OR51B4: variants seen among roughly 807,000 people sequenced by gnomAD.
The protein encoded by OR51B4 is olfactory receptor 51B4.
For synonymous variants in OR51B4, 147 were observed against 140.8 expected, an observed-to-expected ratio of 1.04 and a Z score of -0.31; for missense variants, 402 against 379.8, an observed-to-expected ratio of 1.06 and a Z score of -0.49.
chr11:5,301,467 G>A lies in OR51B4; in HGVS notation c.480C>T (p.Leu160=), dbSNP rs759793130. The change falls in exon 1 of 1, where the codon CTC becomes CTT. Residue 160 remains leucine, a synonymous_variant. Transcript: ENST00000380224. The stretch of plus-strand genomic sequence containing the variant: ...GGGAACCACAATATGGGTAGCAGTA[G>A]AGTGAAAGAATTATGGGCAAAATGG... ...FMSILPIILS[L]YCYPYCGSRA... 5.5e-5 allele frequency: 89 copies of A among 1,614,092 alleles called. No homozygotes were observed. Among genetic ancestry groups the A allele is most frequent in the Middle Eastern group, 1.6e-4 (1 of 6,084 alleles).
rs780554669 is a variant in OR51B4 at position 5,301,147 on chromosome 11, T to C, written c.800A>G (p.His267Arg). 6.8e-6 allele frequency: 11 copies of C among 1,613,876 alleles called. No homozygotes were observed. The East Asian group carries it at 2.0e-4, about 29-fold the overall frequency. Reference sequence around the variant, plus strand: ...ATAGCTCATGGTAATGGGGACCACATGAGGTGCATGTTTCCCAAACCTGTG... The same window carrying C: ...ATAGCTCATGGTAATGGGGACCACACGAGGTGCATGTTTCCCAAACCTGTG... ...FIHRFGKHAP[H>R]VVPITMSYVH... Residue 267 changes from histidine (H) to arginine (R), a missense_variant, in exon 1 of 1, where the codon CAT becomes CGT. Coordinates refer to ENST00000380224, the MANE Select transcript of OR51B4 (RefSeq NM_033179.2).
Position 5,301,300 on chromosome 11 carries a change from A to T in OR51B4, c.647T>A (p.Ile216Lys), listed in dbSNP as rs371724531. 9.9e-6 allele frequency: 16 copies of T among 1,613,988 alleles called. No homozygotes were observed. Among genetic ancestry groups the T allele is most frequent in the Non-Finnish European group, 9.3e-6 (11 of 1,180,012 alleles). Reference protein sequence around the residue: ...LDALIIIFSYILILKTVMGIA... With the variant: ...LDALIIIFSYKLILKTVMGIA... ...GCCCATCACTGTCTTGAGGATTAGT[A>T]TATAAGAAAAGATGATGATTAGAGC... is the stretch of plus-strand genomic sequence containing the variant. Residue 216 changes from isoleucine (I) to lysine (K), a missense_variant, in exon 1 of 1, where the codon ATA becomes AAA. Coordinates refer to ENST00000380224, the MANE Select transcript of OR51B4 (RefSeq NM_033179.2).
rs766622557 is a variant in OR51B4 at position 5,301,086 on chromosome 11, G to C, written c.861C>G (p.Ile287Met). ...HFLFPPFVNP[I>M]IYSIKTKQIQ... ...TCTGCTTGGTCTTGATGCTATAAAT[G>C]ATAGGATTCACGAATGGAGGAAAGA... Residue 287 changes from isoleucine (I) to methionine (M), a missense_variant, in exon 1 of 1, where the codon ATC (isoleucine) becomes ATG (methionine). By Grantham distance (10) the Ile-to-Met change is conservative. Coordinates refer to ENST00000380224, the MANE Select transcript of OR51B4 (RefSeq NM_033179.2). 2 of 1,613,898 alleles carry C rather than the reference G, an allele frequency of 1.2e-6. No individual in the cohort carries two copies. Among genetic ancestry groups the C allele is most frequent in the Non-Finnish European group, 1.7e-6 (2 of 1,179,946 alleles).
In OR51B4 at chr11:5,301,300, A is replaced by G. The variant is rs371724531; in HGVS notation, c.647T>C (p.Ile216Thr). ...GCCCATCACTGTCTTGAGGATTAGTATATAAGAAAAGATGATGATTAGAGC... is the reference window on the plus strand; with the variant it reads ...GCCCATCACTGTCTTGAGGATTAGTGTATAAGAAAAGATGATGATTAGAGC... Reference protein sequence around the residue: ...LDALIIIFSYILILKTVMGIA... With the variant: ...LDALIIIFSYTLILKTVMGIA... The change falls in exon 1 of 1, where the codon ATA (isoleucine) becomes ACA (threonine). Residue 216 changes from isoleucine to threonine, a missense_variant. Coordinates refer to ENST00000380224, the MANE Select transcript of OR51B4 (RefSeq NM_033179.2). 4 of 1,613,988 alleles carry G rather than the reference A, an allele frequency of 2.5e-6. No individual in the cohort carries two copies. Among genetic ancestry groups the G allele is most frequent in the Non-Finnish European group, 3.4e-6 (4 of 1,180,012 alleles).
chr11:5,301,441 C>T lies in OR51B4; in HGVS notation c.506G>A (p.Arg169His), dbSNP rs115916434. ...GAGGCAAAATGTGTGCAAGAGGGCACGGGAACCACAATATGGGTAGCAGTA... is the reference window on the plus strand; with the variant it reads ...GAGGCAAAATGTGTGCAAGAGGGCATGGGAACCACAATATGGGTAGCAGTA... ...SLYCYPYCGSRALLHTFCLHQ... is the reference protein window; with the variant it reads ...SLYCYPYCGSHALLHTFCLHQ... Residue 169 changes from arginine (R) to histidine (H), a missense_variant, in exon 1 of 1, where the codon CGT becomes CAT. Arg to His is a conservative substitution (Grantham distance 29). Transcript: ENST00000380224. 154 of 1,614,048 alleles carry T rather than the reference C, an allele frequency of 9.5e-5. No homozygotes were observed. Among genetic ancestry groups the T allele is most frequent in the African/African-American group, 7.3e-4 (55 of 74,996 alleles).
Position 5,301,088 on chromosome 11 carries a change from T to G in OR51B4, c.859A>C (p.Ile287Leu). ...TGCTTGGTCTTGATGCTATAAATGA[T>G]AGGATTCACGAATGGAGGAAAGAGA... ...HFLFPPFVNP[I>L]IYSIKTKQIQ... Residue 287 changes from isoleucine to leucine, a missense_variant, in exon 1 of 1, where the codon ATC (isoleucine) becomes CTC (leucine). Physicochemically the swap from Ile to Leu is conservative, Grantham distance 5. Coordinates refer to ENST00000380224, the MANE Select transcript of OR51B4 (RefSeq NM_033179.2). 1 of 1,613,882 alleles carries G rather than the reference T, an allele frequency of 6.2e-7. No homozygotes were observed. Among genetic ancestry groups the G allele is most frequent in the Non-Finnish European group, 8.5e-7 (1 of 1,179,932 alleles).
rs376537088 is a variant in OR51B4 at position 5,301,378 on chromosome 11, G to A, written c.569C>T (p.Thr190Met). 13 of 1,613,896 alleles carry A rather than the reference G, an allele frequency of 8.1e-6. No individual in the cohort carries two copies. Among genetic ancestry groups the A allele is most frequent in the South Asian group, 3.3e-5 (3 of 91,064 alleles). The change falls in exon 1 of 1, where the codon ACG becomes ATG. Residue 190 changes from threonine to methionine, a missense_variant. Physicochemically the swap from Thr to Met is moderately conservative, Grantham distance 81 (BLOSUM62 -1). Transcript: ENST00000380224. ...AATAATTGGATATATGTGATTAAAC[G>A]TGATATCAGCACAGGCGAGTTTTAT... ...DVIKLACADI[T>M]FNHIYPIIQT...
Position 5,301,207 on chromosome 11 carries a change from A to T in OR51B4, c.740T>A (p.Val247Glu), listed in dbSNP as rs202052983. The T allele has an allele frequency of 8.7e-6, 14 of 1,613,968 alleles. No individual in the cohort carries two copies. Among genetic ancestry groups the T allele is most frequent in the African/African-American group, 1.3e-5 (1 of 74,934 alleles). ...TCVSHISCVL[V>E]FHITVMGLSF... is the part of the protein sequence containing the mutation. ...CAGTCCCATCACAGTGATGTGAAAT[A>T]CTAGGACACAGCTAATATGGGAGAC... Residue 247 changes from valine (V) to glutamate (E), a missense_variant, in exon 1 of 1, where the codon GTA becomes GAA. Transcript: ENST00000380224.
chr11:5,301,241 T>C lies in OR51B4; in HGVS notation c.706A>G (p.Asn236Asp). Residue 236 changes from asparagine to aspartate, a missense_variant, in exon 1 of 1, where the codon AAC (asparagine) becomes GAC (aspartate). Physicochemically the swap from Asn to Asp is conservative, Grantham distance 23. Coordinates refer to ENST00000380224, the MANE Select transcript of OR51B4 (RefSeq NM_033179.2). ...ASGQEEAKSLNTCVSHISCVL... is the reference protein window; with the variant it reads ...ASGQEEAKSLDTCVSHISCVL... Reference sequence around the variant, plus strand: ...CAGCTAATATGGGAGACACAAGTGTTGAGAGATTTAGCTTCCTCTTGTCCA... The same window carrying C: ...CAGCTAATATGGGAGACACAAGTGTCGAGAGATTTAGCTTCCTCTTGTCCA... 6.2e-7 allele frequency: 1 copy of C among 1,613,860 alleles called. No individual in the cohort carries two copies. The highest frequency in any genetic ancestry group is 8.5e-7 in the Non-Finnish European group (1 of 1,179,804).
rs966762628 is a variant in OR51B4 at position 5,301,591 on chromosome 11, C to T, written c.356G>A (p.Cys119Tyr). The T allele has an allele frequency of 6.2e-7, 1 of 1,614,114 alleles. No individual in the cohort carries two copies. Among genetic ancestry groups the T allele is most frequent in the Admixed American group, 1.7e-5 (1 of 60,008 alleles). Residue 119 changes from cysteine (C) to tyrosine (Y), a missense_variant, in exon 1 of 1, where the codon TGT becomes TAT. Transcript: ENST00000380224. ...CAGTGGTGTGCGGATGGCAATGAAA[C>T]AGTCATAGGCCAAAACAAGCAAGAT... ...SGILLVLAYD[C>Y]FIAIRTPLRY...
chr11:5,301,514 C>A lies in OR51B4; in HGVS notation c.433G>T (p.Val145Leu), dbSNP rs375469756. The change falls in exon 1 of 1, where the codon GTA (valine) becomes TTA (leucine). Residue 145 changes from valine (V) to leucine (L), a missense_variant. Val to Leu is a conservative substitution (Grantham distance 32, BLOSUM62 1). Coordinates refer to ENST00000380224, the MANE Select transcript of OR51B4 (RefSeq NM_033179.2). ...ATGGACATAAAACCTCTCATCAGTA[C>A]CCCCAGTCCTATGTTCATCACTCGG... ...NSRVMNIGLG[V>L]LMRGFMSILP... 2 of 1,613,972 alleles carry A rather than the reference C, an allele frequency of 1.2e-6. No individual in the cohort carries two copies. The highest frequency in any genetic ancestry group is 1.7e-6 in the Non-Finnish European group (2 of 1,179,926).
chr11:5,301,227 G>C lies in OR51B4; in HGVS notation c.720C>G (p.Ser240=). 3 of 1,613,896 alleles carry C rather than the reference G, an allele frequency of 1.9e-6. No homozygotes were observed. Among genetic ancestry groups the C allele is most frequent in the African/African-American group, 1.3e-5 (1 of 75,026 alleles). The change falls in exon 1 of 1, where the codon TCC becomes TCG. Residue 240 remains serine, a synonymous_variant. Coordinates refer to ENST00000380224, the MANE Select transcript of OR51B4 (RefSeq NM_033179.2). ...EEAKSLNTCV[S]HISCVLVFHI... is the part of the protein sequence containing the mutation. Reference sequence around the variant, plus strand: ...GAAATACTAGGACACAGCTAATATGGGAGACACAAGTGTTGAGAGATTTAG... The same window carrying C: ...GAAATACTAGGACACAGCTAATATGCGAGACACAAGTGTTGAGAGATTTAG...
chr11:5,301,379 T>C lies in OR51B4; in HGVS notation c.568A>G (p.Thr190Ala), dbSNP rs1287205296. The C allele has an allele frequency of 4.3e-6, 7 of 1,614,042 alleles. No individual in the cohort carries two copies. In the East Asian group the frequency reaches 1.6e-4, roughly 36 times the overall value. The change falls in exon 1 of 1, where the codon ACG becomes GCG. Residue 190 changes from threonine to alanine, a missense_variant. Transcript: ENST00000380224. ...ATAATTGGATATATGTGATTAAACG[T>C]GATATCAGCACAGGCGAGTTTTATG... ...DVIKLACADI[T>A]FNHIYPIIQT... is the part of the protein sequence containing the mutation.
rs1335637726 is a variant in OR51B4, at chr11:5,301,399, T to C, written c.548A>G (p.Lys183Arg). 3.1e-6 allele frequency: 5 copies of C among 1,613,996 alleles called. No homozygotes were observed. The South Asian group carries it at 5.5e-5, about 18-fold the overall frequency. ...AAACGTGATATCAGCACAGGCGAGT[T>C]TTATGACATCTTGATGGAGGCAAAA... Reference protein sequence around the residue: ...HTFCLHQDVIKLACADITFNH... With the variant: ...HTFCLHQDVIRLACADITFNH... Residue 183 changes from lysine (K) to arginine (R), a missense_variant, in exon 1 of 1, where the codon AAA (lysine) becomes AGA (arginine). By Grantham distance (26) the Lys-to-Arg change is conservative. Transcript: ENST00000380224.
chr11:5,301,751 C>T lies in OR51B4; in HGVS notation c.196G>A (p.Asp66Asn), dbSNP rs760281632. The T allele has an allele frequency of 1.9e-6, 3 of 1,614,006 alleles. No homozygotes were observed. Among genetic ancestry groups the T allele is most frequent in the Admixed American group, 1.7e-5 (1 of 60,004 alleles). ...GTGAATGTCATCCCAAGGTCCGTGTCTGCCAGCATAGCCAGGAAGTAGTAC... is the reference window on the plus strand; with the variant it reads ...GTGAATGTCATCCCAAGGTCCGTGTTTGCCAGCATAGCCAGGAAGTAGTAC... The part of the protein sequence containing the change: ...PMYYFLAMLA[D>N]TDLGMTFTTM... Residue 66 changes from aspartate (D) to asparagine (N), a missense_variant, in exon 1 of 1, where the codon GAC becomes AAC. Physicochemically the swap from Asp to Asn is conservative, Grantham distance 23. Transcript: ENST00000380224.
chr11:5,301,145 C>A lies in OR51B4; in HGVS notation c.802G>T (p.Val268Leu), dbSNP rs1035719592. 1.2e-6 allele frequency: 2 copies of A among 1,613,948 alleles called. No homozygotes were observed. The highest frequency in any genetic ancestry group is 8.5e-7 in the Non-Finnish European group (1 of 1,179,988). The change falls in exon 1 of 1, where the codon GTG becomes TTG. Residue 268 changes from valine to leucine, a missense_variant. Coordinates refer to ENST00000380224, the MANE Select transcript of OR51B4 (RefSeq NM_033179.2). ...ACATAGCTCATGGTAATGGGGACCA[C>A]ATGAGGTGCATGTTTCCCAAACCTG... ...IHRFGKHAPH[V>L]VPITMSYVHF...
rs1589927060 is a variant in OR51B4, at chr11:5,301,599, G to A, written c.348C>T (p.Ala116=). The A allele has an allele frequency of 6.2e-7, 1 of 1,614,152 alleles. No individual in the cohort carries two copies. The highest frequency in any genetic ancestry group is 8.5e-7 in the Non-Finnish European group (1 of 1,180,040). The change falls in exon 1 of 1, where the codon GCC becomes GCT. Residue 116 remains alanine (A), a synonymous_variant. Transcript: ENST00000380224. The part of the protein sequence containing the change: ...IVESGILLVL[A]YDCFIAIRTP... Reference sequence around the variant, plus strand: ...TGCGGATGGCAATGAAACAGTCATAGGCCAAAACAAGCAAGATACCTGATT... The same window carrying A: ...TGCGGATGGCAATGAAACAGTCATAAGCCAAAACAAGCAAGATACCTGATT...
rs757122078 is a variant in OR51B4, at chr11:5,301,678, A to G, written c.269T>C (p.Ile90Thr). Residue 90 changes from isoleucine (I) to threonine (T), a missense_variant, in exon 1 of 1, where the codon ATT (isoleucine) becomes ACT (threonine). Physicochemically the swap from Ile to Thr is moderately conservative, Grantham distance 89. Transcript: ENST00000380224. The stretch of plus-strand genomic sequence containing the variant: ...TTGGGTGAAACAGGCAGCATGGGCA[A>G]TCTCCCTCTGGTCTAGCAGCAGGAC... ...LGVLLLDQRE[I>T]AHAACFTQSF... 6.7e-5 allele frequency: 108 copies of G among 1,614,188 alleles called. No homozygotes were observed. Among genetic ancestry groups the G allele is most frequent in the Non-Finnish European group, 8.7e-5 (103 of 1,180,026 alleles).
chr11:5,301,344 A>T lies in OR51B4; in HGVS notation c.603T>A (p.Ser201=), dbSNP rs745494958. 38 of 1,613,966 alleles carry T rather than the reference A, an allele frequency of 2.4e-5. No individual in the cohort carries two copies. The highest frequency in any genetic ancestry group is 3.1e-5 in the Non-Finnish European group (36 of 1,179,994). ...TTAGAGCATCTAAAAAGACAGTCAA[A>T]GAAGTCTGAATAATTGGATATATGT... ...FNHIYPIIQT[S]LTVFLDALII... Residue 201 remains serine (S), a synonymous_variant, in exon 1 of 1, where the codon TCT becomes TCA. Coordinates refer to ENST00000380224, the MANE Select transcript of OR51B4 (RefSeq NM_033179.2).
Sources: allele counts gnomAD v4.1 joint callset, GRCh38; gene constraint gnomAD v4.1.1; transcripts MANE v1.5; gene names NCBI Gene and HGNC (gene_info 2026-07-23, HGNC 2026-07-21).